Variants in ZFAND3 observed in about 807,000 individuals in gnomAD.
ZFAND3 encodes the protein AN1-type zinc finger protein 3.
ZFAND3 carries 10 observed loss-of-function variants against 29.6 expected under a neutral mutation model. The ratio of observed to expected loss-of-function variants is 0.34; its 90% CI spans 0.21 to 0.57. The LOEUF (loss-of-function observed/expected upper bound fraction) is 0.57. Ranked by LOEUF, ZFAND3 falls within the 20% of genes least tolerant of loss-of-function variation. The probability of loss-of-function intolerance (pLI) is 0.86; values close to 1 mark genes in which losing one functional copy is unlikely to be tolerated. For missense variants in ZFAND3, 230 were observed against 304.5 expected (o/e 0.76, Z 1.82); for synonymous variants, 128 against 112.6 (o/e 1.14, Z -0.87).
In ZFAND3 at chr6:38,154,374, G is replaced by GGT. The variant is rs1554122354; in HGVS notation, c.*1986_*1987insTG. ...CATGTTCGCTTCCTGACTTAGAGCT[G>GGT]GGGGGGGTGGGGGGTGGGGCTTGTT... is the stretch of plus-strand genomic sequence containing the variant. On this transcript the variant is annotated 3_prime_UTR_variant, in exon 6 of 6. Coordinates refer to ENST00000287218, the MANE Select transcript of ZFAND3 (RefSeq NM_021943.3). The GGT allele has an allele frequency of 4.0e-6, 3 of 740,942 alleles. No individual in the cohort carries two copies. Among genetic ancestry groups the GGT allele is most frequent in the African/African-American group, 4.5e-5 (2 of 44,838 alleles). The allele number at this position is 740,942 out of a possible 1,614,324, so 45.9% of individuals were successfully genotyped here. A position where few individuals can be genotyped will look rare whatever the true frequency, so the allele number is the denominator to read the frequency against.
At chr6:37,929,902 T>C (rs1485820379) in intron 1 of ZFAND3, 57 bp from the exon 2 acceptor site, 5 of 1,510,678 alleles carry the variant, frequency 3.3e-6, no homozygotes, top group Non-Finnish European at 4.4e-6. Context: ...ATGTTTTGAT[T>C]AGAGTGATAT....
At chr6:37,882,103 C>T (rs762149032) in intron 1 of ZFAND3, among the ~76,000 whole-genome samples, 5 of 152,232 alleles carry the variant, frequency 3.3e-5, no homozygotes, top group Non-Finnish European at 7.4e-5. Flanking sequence ...CATTAGGGTC[C>T]TTTTCAGTGG....
chr6:37,845,588 G>C (rs1764163882), intron 1 of ZFAND3, among the ~76,000 whole-genome samples: 1 of 152,148 alleles, frequency 6.6e-6, no homozygotes, highest in African/African-American at 2.4e-5. Flanking sequence ...TTTTCGTACT[G>C]TGAGCTGTGG....
intron 1 of ZFAND3, among the ~76,000 whole-genome samples, chr6:37,913,280 A>T (rs928627505): frequency 6.6e-6 from 1 of 152,192 alleles, no homozygotes; most frequent in Non-Finnish European, 1.5e-5. Context: ...ATTGGAATCA[A>T]TCCTCTCGAA....
At position 38,074,369 on chromosome 6, in the gene ZFAND3, A is replaced by G. The variant is rs143995707; in HGVS notation, c.296-8023A>G. The stretch of plus-strand genomic sequence containing the variant: ...CTAATTATTTTAATTTTAAATGAAA[A>G]CATTTTTGTCAAGTTATAATTTCAT... On this transcript the variant is annotated intron_variant, in intron 3 of 5. Transcript: ENST00000287218. Among the ~76,000 whole-genome samples, 628 of 152,332 alleles carry G rather than the reference A, an allele frequency of 4.1e-3. 4 individuals carry two copies. Among genetic ancestry groups the G allele is most frequent in the African/African-American group, 0.015 (606 of 41,570 alleles).
intron 2 of ZFAND3, among the ~76,000 whole-genome samples, chr6:37,989,283 T>C (rs760399628): frequency 3.9e-5 from 6 of 152,244 alleles, no homozygotes; most frequent in Non-Finnish European, 1.5e-5. Context: ...GCAAAGTCTC[T>C]ATCTTAAAAT....
intron 5 of ZFAND3, among the ~76,000 whole-genome samples, chr6:38,125,154 A>C (rs1480101067): frequency 1.3e-5 from 2 of 152,176 alleles, no homozygotes; most frequent in African/African-American, 4.8e-5. Flanking sequence ...TTCCTTTGCT[A>C]TACTCCTCCC....
chr6:37,904,772 G>A (rs1379518152), intron 1 of ZFAND3, among the ~76,000 whole-genome samples: 1 of 152,154 alleles, frequency 6.6e-6, no homozygotes, highest in African/African-American at 2.4e-5. Flanking sequence ...GTGAGAATGT[G>A]TCTTATTCTT....
chr6:38,039,187 G>A (rs1763713836), intron 2 of ZFAND3, among the ~76,000 whole-genome samples: 1 of 152,086 alleles, frequency 6.6e-6, no homozygotes. Flanking sequence ...TTTCTACAAG[G>A]TATGTCTTAT....
chr6:37,897,561 A>G (rs979709743), intron 1 of ZFAND3, among the ~76,000 whole-genome samples: 2 of 152,208 alleles, frequency 1.3e-5, no homozygotes, highest in African/African-American at 4.8e-5. Context: ...TAGGTTATCA[A>G]TGCTAAGCTT....
chr6:37,854,767 C>CG (rs1764346008), intron 1 of ZFAND3, among the ~76,000 whole-genome samples: 2 of 48,408 alleles, frequency 4.1e-5, no homozygotes, highest in Non-Finnish European at 1.2e-4. Flanking sequence ...CTAAAATGCC[C>CG]CCCCCCCCCT....
chr6:37,912,286 GT>G (rs1765537860), intron 1 of ZFAND3, among the ~76,000 whole-genome samples: 1 of 152,066 alleles, frequency 6.6e-6, no homozygotes, highest in Non-Finnish European at 1.5e-5. Context: ...GTCTTAGATG[GT>G]AGCACACAGA....
intron 3 of ZFAND3, among the ~76,000 whole-genome samples, chr6:38,074,285 C>G (rs776793410): frequency 2.0e-5 from 3 of 152,152 alleles, no homozygotes; most frequent in Non-Finnish European, 4.4e-5. Flanking sequence ...CCAGGCCACT[C>G]TCATTATTTT....
chr6:38,147,911 C>G (rs567912753), intron 5 of ZFAND3, among the ~76,000 whole-genome samples: 2 of 152,066 alleles, frequency 1.3e-5, no homozygotes, highest in South Asian at 2.1e-4. Flanking sequence ...GGCAGGTTTT[C>G]TCTTTACCTG....
intron 1 of ZFAND3, among the ~76,000 whole-genome samples, chr6:37,822,894 G>A (rs1249580070): frequency 6.6e-6 from 1 of 152,138 alleles, no homozygotes; most frequent in Non-Finnish European, 1.5e-5. Context: ...AAGGGGGTCT[G>A]TTGGTAGATT....
At chr6:37,843,095 CTGAG>C (rs1764108655) in intron 1 of ZFAND3, among the ~76,000 whole-genome samples, 1 of 147,570 alleles carries the variant, frequency 6.8e-6, no homozygotes, top group African/African-American at 2.5e-5. Flanking sequence ...GCACTCCAGC[CTGAG>C]CAACAGAGTG....
At chr6:38,071,716 A>T (rs938532649) in intron 3 of ZFAND3, among the ~76,000 whole-genome samples, 1 of 152,126 alleles carries the variant, frequency 6.6e-6, no homozygotes, top group African/African-American at 2.4e-5. Flanking sequence ...ACCTTCTTCT[A>T]TGTTCTTGGC....
chr6:37,923,609 T>A (rs1366834448), intron 1 of ZFAND3, among the ~76,000 whole-genome samples: 1 of 152,256 alleles, frequency 6.6e-6, no homozygotes, highest in African/African-American at 2.4e-5. Context: ...TATCATTTTT[T>A]ATCAAGTATT....
At chr6:37,923,558 T>TA (rs577352453) in intron 1 of ZFAND3, among the ~76,000 whole-genome samples, 117 of 152,324 alleles carry the variant, frequency 7.7e-4, no homozygotes, top group African/African-American at 2.7e-3. Context: ...AAAATAATGA[T>TA]ATAAAGTATA....
Sources: gnomAD v4.1 joint callset for allele counts (sites outside exome capture counted in the v4.1 genomes callset) on GRCh38, gnomAD v4.1.1 for gene constraint, MANE v1.5 for transcripts, NCBI Gene and HGNC (gene_info 2026-07-23, HGNC 2026-07-21) for gene names.